RAB31: variants seen among roughly 807,000 people sequenced by gnomAD.
RAB31 encodes RAB31, member RAS oncogene family.
In RAB31, 21 loss-of-function variants were observed where a neutral mutation model predicts 25.6. That is an observed-to-expected ratio of 0.82 (90% confidence interval 0.58 to 1.18). RAB31 has a LOEUF of 1.18. RAB31 is among the 50% of genes most tolerant of loss of function. The pLI, the probability that RAB31 is intolerant of heterozygous loss-of-function variation, is 0.00. For synonymous variants in RAB31, 87 were observed against 84.0 expected (o/e 1.04, Z -0.20); for missense variants, 196 against 250.1 (o/e 0.78, Z 1.46).
chr18:9,763,701 ATATTGT>A (rs1568172972), intron 1 of RAB31, among the ~76,000 whole-genome samples: 2 of 151,842 alleles, frequency 1.3e-5, no homozygotes, highest in Non-Finnish European at 2.9e-5. Context: ...ACAATATCTA[ATATTGT>A]TAGATCAGAT....
chr18:9,796,284 T>C (rs2068486813), intron 3 of RAB31, among the ~76,000 whole-genome samples: 1 of 152,152 alleles, frequency 6.6e-6, no homozygotes, highest in Non-Finnish European at 1.5e-5. Flanking sequence ...CAGTGTACAC[T>C]GCTTGGGTGA....
intron 6 of RAB31, among the ~76,000 whole-genome samples, chr18:9,850,321 C>G (rs772979744): frequency 6.6e-6 from 1 of 152,106 alleles, no homozygotes. Flanking sequence ...GATGAGGTCT[C>G]GCTGTATTGT....
chr18:9,805,998 C>A (rs547789925), intron 3 of RAB31, among the ~76,000 whole-genome samples: 25 of 152,162 alleles, frequency 1.6e-4, no homozygotes, highest in African/African-American at 6.0e-4. Context: ...CATGGCGAAA[C>A]CCCGTCTCTA....
intron 1 of RAB31, among the ~76,000 whole-genome samples, chr18:9,747,816 C>T (rs1439091899): frequency 6.6e-6 from 1 of 152,168 alleles, no homozygotes; most frequent in East Asian, 1.9e-4. Flanking sequence ...TACTAAATGC[C>T]ACTGAGTTGT....
intron 3 of RAB31, among the ~76,000 whole-genome samples, chr18:9,804,103 A>G (rs1229429089): frequency 6.6e-6 from 1 of 152,198 alleles, no homozygotes; most frequent in East Asian, 1.9e-4. Flanking sequence ...CAGAGGGGAA[A>G]GCCTCAGAGC....
rs1395299544 is a variant in RAB31, at chr18:9,756,682, A to G, written c.40-18596A>G. ...GTCATTGTGGAGTCTTAGTGTTGATACGATAGACTCTGGTACTTTAAATCA... is the reference window on the plus strand; with the variant it reads ...GTCATTGTGGAGTCTTAGTGTTGATGCGATAGACTCTGGTACTTTAAATCA... On this transcript the variant is annotated intron_variant, in intron 1 of 6. Coordinates refer to ENST00000578921, the MANE Select transcript of RAB31 (RefSeq NM_006868.4). 5.3e-5 allele frequency among the ~76,000 whole-genome samples: 8 copies of G among 152,358 alleles called. No homozygotes were observed. The South Asian group carries it at 1.0e-3, about 20-fold the overall frequency.
At chr18:9,737,334 C>G (rs1476416180) in intron 1 of RAB31, among the ~76,000 whole-genome samples, 1 of 152,168 alleles carries the variant, frequency 6.6e-6, no homozygotes, top group East Asian at 1.9e-4. Context: ...CCCACACCCA[C>G]ACACTGTTTC....
intron 1 of RAB31, among the ~76,000 whole-genome samples, chr18:9,726,920 T>TA (rs901626010): frequency 4.0e-5 from 6 of 151,402 alleles, no homozygotes; most frequent in African/African-American, 4.9e-5. Context: ...AGCATTACCT[T>TA]AAAAAAAAAG....
intron 1 of RAB31, among the ~76,000 whole-genome samples, chr18:9,747,736 T>A (rs1405834375): frequency 6.6e-6 from 1 of 152,126 alleles, no homozygotes; most frequent in Admixed American, 6.5e-5. Context: ...TTAATGAATA[T>A]GGAGTGATTT....
At chr18:9,832,186 G>A (rs780273898) in intron 5 of RAB31, among the ~76,000 whole-genome samples, 4 of 152,200 alleles carry the variant, frequency 2.6e-5, no homozygotes, top group African/African-American at 4.8e-5. Context: ...TGAGGTCCAC[G>A]GAAAGGCCAG....
chr18:9,775,443 C>T lies in RAB31; in HGVS notation c.119+86C>T. 6 of 1,572,198 alleles carry T rather than the reference C, an allele frequency of 3.8e-6. No homozygotes were observed. The South Asian group carries it at 5.7e-5, about 15-fold the overall frequency. ...CTCTGTCTGTGCCTGAGCCTTCAGG[C>T]AGGGCCACAGTTTTCATCCCAGCCA... is the stretch of plus-strand genomic sequence containing the variant. On this transcript the variant is annotated intron_variant, in intron 2 of 6. Transcript: ENST00000578921.
intron 1 of RAB31, among the ~76,000 whole-genome samples, chr18:9,747,292 A>T (rs770875762): frequency 5.3e-5 from 8 of 152,194 alleles, no homozygotes; most frequent in Non-Finnish European, 1.0e-4. Flanking sequence ...GTGGGGTTGT[A>T]AAATGGTCCA....
rs1021786327 is a variant in RAB31 at position 9,813,860 on chromosome 18, T to A, written c.202-160T>A. ...AGAGTGAAACTCCATCTCAAAAAAA[T>A]AAAATAAAATAAATAAATAATATGA... On this transcript the variant is annotated intron_variant, in intron 3 of 6. Transcript: ENST00000578921. Among the ~76,000 whole-genome samples, 31 of 151,650 alleles carry A rather than the reference T, an allele frequency of 2.0e-4. 1 individual carries two copies. The highest frequency in any genetic ancestry group is 6.1e-4 in the African/African-American group (25 of 41,228).
intron 3 of RAB31, among the ~76,000 whole-genome samples, chr18:9,810,229 C>A (rs923802672): frequency 6.6e-6 from 1 of 152,186 alleles, no homozygotes; most frequent in Admixed American, 6.5e-5. Flanking sequence ...TTTCAAATAA[C>A]CTTTCAAGGT....
At chr18:9,825,634 A>T (rs1335840627) in intron 5 of RAB31, among the ~76,000 whole-genome samples, 1 of 152,184 alleles carries the variant, frequency 6.6e-6, no homozygotes, top group Non-Finnish European at 1.5e-5. Flanking sequence ...TCGGAAAAGC[A>T]TTGCTTTCGT....
chr18:9,750,825 G>T (rs2068231095), intron 1 of RAB31, among the ~76,000 whole-genome samples: 1 of 152,122 alleles, frequency 6.6e-6, no homozygotes, highest in African/African-American at 2.4e-5. Context: ...TTTTGGCCTT[G>T]TTGCCTCAAT....
chr18:9,801,284 A>AT (rs3039670), intron 3 of RAB31, among the ~76,000 whole-genome samples: 13,038 of 141,120 alleles, frequency 0.092, 624 homozygotes, highest in East Asian at 0.11. Flanking sequence ...CTTTGTGTAG[A>AT]TTTTTTTTTT....
chr18:9,786,482 T>A (rs1206663499), intron 2 of RAB31, among the ~76,000 whole-genome samples: 1 of 152,214 alleles, frequency 6.6e-6, no homozygotes, highest in Non-Finnish European at 1.5e-5. Context: ...GATCAGAAGT[T>A]CTAGAGGCCC....
At chr18:9,771,282 C>T (rs1294059321) in intron 1 of RAB31, among the ~76,000 whole-genome samples, 1 of 152,190 alleles carries the variant, frequency 6.6e-6, no homozygotes, top group Non-Finnish European at 1.5e-5. Context: ...ACTCTACCAA[C>T]CAGCTATGTG....
Sources: allele counts gnomAD v4.1 joint callset (sites outside exome capture counted in the v4.1 genomes callset), GRCh38; gene constraint gnomAD v4.1.1; transcripts MANE v1.5; gene names NCBI Gene and HGNC (gene_info 2026-07-23, HGNC 2026-07-21).